Variants in PAPPA2 observed in about 807,000 individuals in gnomAD.
The protein encoded by PAPPA2 is pappalysin 2, also known as pappalysin-2.
In PAPPA2, 86 loss-of-function variants were observed where a neutral mutation model predicts 176.4. The observed-to-expected ratio is 0.49, with a 90% CI of 0.41 to 0.58. The LOEUF (loss-of-function observed/expected upper bound fraction) is 0.58, where lower values mean the gene tolerates loss of function less well. Among genes scored for constraint, PAPPA2 ranks in the 20% least tolerant of loss-of-function variants. The pLI is 0.00. For missense variants in PAPPA2, 2,073 were observed against 2,256.9 expected, an observed-to-expected ratio of 0.92 and a Z score of 1.65; for synonymous variants, 809 against 852.2, an observed-to-expected ratio of 0.95 and a Z score of 0.88.
intron 21 of PAPPA2, among the ~76,000 whole-genome samples, chr1:176,826,061 G>C (rs1000684057): frequency 1.3e-5 from 2 of 152,188 alleles, no homozygotes; most frequent in Non-Finnish European, 2.9e-5. Flanking sequence ...CTGAGGGGCT[G>C]AGAATTTAAT....
chr1:176,764,861 G>T (rs939494319), intron 14 of PAPPA2, among the ~76,000 whole-genome samples: 1 of 152,166 alleles, frequency 6.6e-6, no homozygotes, highest in Non-Finnish European at 1.5e-5. Flanking sequence ...CTCCCAAAGC[G>T]CTGGGATTAT....
At chr1:176,707,403 A>G (rs1660924015) in intron 10 of PAPPA2, among the ~76,000 whole-genome samples, 1 of 152,074 alleles carries the variant, frequency 6.6e-6, no homozygotes, top group South Asian at 2.1e-4. Flanking sequence ...CGTGTGCTAT[A>G]TGTTCAGTGG....
In PAPPA2 at chr1:176,739,976, T is replaced by G; in HGVS notation, c.3935-4T>G. 1.2e-6 allele frequency: 2 copies of G among 1,613,592 alleles called. No homozygotes were observed. Among genetic ancestry groups the G allele is most frequent in the Non-Finnish European group, 1.7e-6 (2 of 1,179,576 alleles). ...AAATATGATTCATCTCCGTTTATCT[T>G]CAGGAACCTATGGACTGTCATGCCA... On this transcript the variant is annotated splice_region_variant and splice_polypyrimidine_tract_variant and intron_variant, in intron 13 of 22. Coordinates refer to ENST00000367662, the MANE Select transcript of PAPPA2 (RefSeq NM_020318.3).
intron 3 of PAPPA2, among the ~76,000 whole-genome samples, chr1:176,622,750 A>G (rs1002827143): frequency 6.6e-6 from 1 of 152,196 alleles, no homozygotes; most frequent in African/African-American, 2.4e-5. Flanking sequence ...TGTTTTGCCC[A>G]TTTAAGTCCA....
intron 14 of PAPPA2, among the ~76,000 whole-genome samples, chr1:176,758,273 G>A (rs1045140911): frequency 2.6e-5 from 4 of 152,180 alleles, no homozygotes; most frequent in African/African-American, 9.7e-5. Context: ...TCCCAAGAAG[G>A]AAATATATTT....
chr1:176,525,044 A>C (rs1338635411), intron 1 of PAPPA2, among the ~76,000 whole-genome samples: 1 of 152,148 alleles, frequency 6.6e-6, no homozygotes, highest in East Asian at 1.9e-4. Context: ...TCCGTCTCAA[A>C]AAAAAAAAGT....
intron 1 of PAPPA2, among the ~76,000 whole-genome samples, chr1:176,478,700 A>G (rs1334347488): frequency 1.3e-5 from 2 of 152,228 alleles, no homozygotes; most frequent in Non-Finnish European, 1.5e-5. Flanking sequence ...GAGAATGGCC[A>G]GGGAGACTGG....
chr1:176,793,710 T>G (rs777353203), intron 20 of PAPPA2, 41 bp downstream of exon 20: 2 of 1,460,122 alleles, frequency 1.4e-6, no homozygotes, highest in Admixed American at 3.9e-5. Context: ...GACATGAGTC[T>G]GCTGAGCAAC....
chr1:176,580,000 T>G (rs751045391), intron 2 of PAPPA2, among the ~76,000 whole-genome samples: 8 of 152,236 alleles, frequency 5.3e-5, no homozygotes, highest in Non-Finnish European at 1.2e-4. Context: ...TTTATCTTTT[T>G]TTGTATTGGG....
chr1:176,819,775 T>G (rs1319846055), intron 21 of PAPPA2, among the ~76,000 whole-genome samples: 2 of 152,196 alleles, frequency 1.3e-5, no homozygotes, highest in Non-Finnish European at 2.9e-5. Flanking sequence ...AGGAGTTGCA[T>G]ACATAAAGCT....
intron 21 of PAPPA2, among the ~76,000 whole-genome samples, chr1:176,831,729 G>T (rs901201910): frequency 1.3e-5 from 2 of 152,150 alleles, no homozygotes; most frequent in Non-Finnish European, 2.9e-5. Flanking sequence ...TGAAAAGTAA[G>T]TCCCAGAGAG....
At chr1:176,596,391 C>T (rs1315495754) in intron 3 of PAPPA2, among the ~76,000 whole-genome samples, 2 of 152,168 alleles carry the variant, frequency 1.3e-5, no homozygotes, top group East Asian at 1.9e-4. Context: ...TTTTTCTGCC[C>T]TCAGGGCTTT....
At position 176,671,086 on chromosome 1, in the gene PAPPA2, C is replaced by T; in HGVS notation, c.2108C>T (p.Pro703Leu). ...REDLAGAATWPWDKDAVTHLG... is the reference protein window; with the variant it reads ...REDLAGAATWLWDKDAVTHLG... Reference sequence around the variant, plus strand: ...GACCTTGCAGGTGCTGCCACCTGGCCTTGGGACAAGGACGCTGTCACTCAC... The same window carrying T: ...GACCTTGCAGGTGCTGCCACCTGGCTTTGGGACAAGGACGCTGTCACTCAC... Residue 703 changes from proline to leucine, a missense_variant, in exon 4 of 23, where the codon CCT (proline) becomes CTT (leucine). Physicochemically the swap from Pro to Leu is moderately conservative, Grantham distance 98. This residue lies in a region of PAPPA2 where 1,196 missense variants were observed against 1,330.4 expected (regional missense o/e 0.90). Transcript: ENST00000367662. The T allele has an allele frequency of 3.1e-6, 5 of 1,613,878 alleles. No homozygotes were observed. Among genetic ancestry groups the T allele is most frequent in the Non-Finnish European group, 4.2e-6 (5 of 1,179,880 alleles).
In PAPPA2 at chr1:176,722,070, A is replaced by T. The variant is rs190451904; in HGVS notation, c.3798+10089A>T. Among the ~76,000 whole-genome samples, 92 of 152,270 alleles carry T rather than the reference A, an allele frequency of 6.0e-4. 1 individual carries two copies. The highest frequency in any genetic ancestry group is 5.1e-4 in the Non-Finnish European group (35 of 68,006). On this transcript the variant is annotated intron_variant, in intron 12 of 22. Transcript: ENST00000367662. The stretch of plus-strand genomic sequence containing the variant: ...TTTGTTATTGTATTTTTAACTTTAG[A>T]ATGCCTATTCAATTTTTCCTATATA...
At chr1:176,827,478 A>G (rs1330936342) in intron 21 of PAPPA2, among the ~76,000 whole-genome samples, 1 of 152,136 alleles carries the variant, frequency 6.6e-6, no homozygotes, top group African/African-American at 2.4e-5. Flanking sequence ...CTCTGCCAAA[A>G]TCCTATCCAT....
intron 1 of PAPPA2, among the ~76,000 whole-genome samples, chr1:176,501,404 G>A (rs767965782): frequency 6.6e-6 from 1 of 152,098 alleles, no homozygotes; most frequent in African/African-American, 2.4e-5. Context: ...AGGTGAAGTT[G>A]TCCTGTCCCT....
intron 5 of PAPPA2, 130 bp downstream of exon 5, chr1:176,690,560 T>C (rs1237480690): frequency 6.8e-6 from 10 of 1,464,840 alleles, no homozygotes; most frequent in Non-Finnish European, 9.0e-6. Context: ...TTGAAGTGTA[T>C]TTATTATAAG....
intron 1 of PAPPA2, among the ~76,000 whole-genome samples, chr1:176,484,339 T>C (rs371711866): frequency 6.6e-6 from 1 of 152,226 alleles, no homozygotes; most frequent in Non-Finnish European, 1.5e-5. Context: ...TTTTCTGGCA[T>C]TTGTCCTTCT....
chr1:176,588,523 G>A (rs544062053), intron 2 of PAPPA2, among the ~76,000 whole-genome samples: 118 of 152,270 alleles, frequency 7.7e-4, no homozygotes, highest in African/African-American at 2.8e-3. Context: ...GTGTCAGTTG[G>A]GTAGGATGTG....
Sources: gnomAD v4.1 joint callset for allele counts (sites outside exome capture counted in the v4.1 genomes callset) on GRCh38, gnomAD v4.1.1 for gene constraint, gnomAD v4.1.1 regional missense constraint, MANE v1.5 for transcripts, NCBI Gene and HGNC (gene_info 2026-07-23, HGNC 2026-07-21) for gene names.